The following ZMYM1 variants were observed in gnomAD, a reference collection of about 807,000 sequenced individuals.
The protein encoded by ZMYM1 is zinc finger MYM-type containing 1.
A neutral mutation model predicts 60.0 loss-of-function variants in ZMYM1; 39 were observed. The observed-to-expected ratio is 0.65, with a 90% CI of 0.50 to 0.85. The LOEUF (loss-of-function observed/expected upper bound fraction) is 0.85. ZMYM1 is among the 40% of genes least tolerant of loss of function. The pLI is 0.00. For synonymous variants in ZMYM1, 413 were observed against 454.0 expected (o/e 0.91, Z 1.15); for missense variants, 1,171 against 1,309.5 (o/e 0.89, Z 1.63).
chr1:35,061,348 G>T (rs937562271), intron 1 of ZMYM1, among the ~76,000 whole-genome samples: 11 of 152,190 alleles, frequency 7.2e-5, no homozygotes, highest in Non-Finnish European at 1.2e-4. Flanking sequence ...GTGATGGGGA[G>T]AATATTAGGG....
intron 1 of ZMYM1, among the ~76,000 whole-genome samples, chr1:35,063,381 C>T (rs1322420647): frequency 2.0e-5 from 3 of 152,134 alleles, no homozygotes; most frequent in African/African-American, 4.8e-5. Flanking sequence ...GATCCTGGCT[C>T]ACCACAGCCT....
intron 1 of ZMYM1, among the ~76,000 whole-genome samples, chr1:35,082,684 G>T (rs888474538): frequency 1.3e-5 from 2 of 149,698 alleles, no homozygotes; most frequent in African/African-American, 4.9e-5. Flanking sequence ...TTAGCTTAAA[G>T]AATTTCCTTT....
At chr1:35,097,849 A>T (rs1348597559) in intron 4 of ZMYM1, among the ~76,000 whole-genome samples, 1 of 152,044 alleles carries the variant, frequency 6.6e-6, no homozygotes, top group Non-Finnish European at 1.5e-5. Context: ...TTCGTTCGCC[A>T]TGTTGGCCAC....
At chr1:35,063,838 G>A (rs114727621) in intron 1 of ZMYM1, among the ~76,000 whole-genome samples, 1,715 of 152,250 alleles carry the variant, frequency 0.011, 40 homozygotes, top group African/African-American at 0.038. Flanking sequence ...AAGAAATATA[G>A]GAAGGATCTG....
intron 1 of ZMYM1, among the ~76,000 whole-genome samples, chr1:35,064,372 C>G (rs549038256): frequency 6.7e-6 from 1 of 149,180 alleles, no homozygotes; most frequent in Non-Finnish European, 1.5e-5. Context: ...AACTTCAACA[C>G]TCCTCTCAAA....
intron 4 of ZMYM1, among the ~76,000 whole-genome samples, chr1:35,103,806 G>C (rs990186932): frequency 6.6e-6 from 1 of 152,188 alleles, no homozygotes; most frequent in Non-Finnish European, 1.5e-5. Context: ...GACTCCCCCA[G>C]GGATTTGAAG....
intron 1 of ZMYM1, among the ~76,000 whole-genome samples, chr1:35,071,256 A>G (rs921140222): frequency 6.6e-6 from 1 of 152,120 alleles, no homozygotes. Context: ...CCTAGGATGA[A>G]TCCCACTTGT....
At chr1:35,108,528 A>G (rs1643971141) in intron 6 of ZMYM1, among the ~76,000 whole-genome samples, 1 of 150,610 alleles carries the variant, frequency 6.6e-6, no homozygotes, top group African/African-American at 2.4e-5. Flanking sequence ...TAATTTTTGT[A>G]TTTTTGTAGA....
At position 35,111,734 on chromosome 1, in the gene ZMYM1, T is replaced by G. The variant is rs781340213; in HGVS notation, c.962-38T>G. Reference sequence around the variant, plus strand: ...TAAACAGTACTTTCTGATGATTGATTTTGCCTTGTTTATAAGAAATCTTTT... The same window carrying G: ...TAAACAGTACTTTCTGATGATTGATGTTGCCTTGTTTATAAGAAATCTTTT... On this transcript the variant is annotated intron_variant, in intron 7 of 9. Coordinates refer to ENST00000359858, the MANE Select transcript of ZMYM1 (RefSeq NM_024772.5). 4.8e-5 allele frequency: 74 copies of G among 1,527,688 alleles called. 1 individual carries two copies. The highest frequency in any genetic ancestry group is 6.0e-5 in the Non-Finnish European group (68 of 1,135,544). 94.6% of individuals were successfully genotyped at this position (1,527,688 alleles called of 1,614,324 possible).
upstream of ZMYM1, among the ~76,000 whole-genome samples, chr1:35,078,537 ATT>A (rs751468260): frequency 2.0e-3 from 163 of 82,184 alleles, 2 homozygotes; most frequent in Admixed American, 0.019. Context: ...GGTTATTTTA[ATT>A]TTTTTTTTTT....
chr1:35,110,004 T>G (rs1644031775), intron 6 of ZMYM1, among the ~76,000 whole-genome samples: 1 of 152,186 alleles, frequency 6.6e-6, no homozygotes. Context: ...TGCTTTGGCC[T>G]CCCAAAGTGC....
intron 4 of ZMYM1, among the ~76,000 whole-genome samples, chr1:35,098,643 A>G (rs2148526981): frequency 6.6e-6 from 1 of 152,184 alleles, no homozygotes; most frequent in East Asian, 1.9e-4. Context: ...GCAGTGGCTC[A>G]CGCCTGTTAT....
chr1:35,070,710 C>T (rs1223112347), intron 1 of ZMYM1, among the ~76,000 whole-genome samples: 1 of 151,836 alleles, frequency 6.6e-6, no homozygotes, highest in East Asian at 1.9e-4. Flanking sequence ...CTAATATTAG[C>T]TGTGGGTTTG....
intron 6 of ZMYM1, among the ~76,000 whole-genome samples, chr1:35,107,520 A>T (rs1383484671): frequency 6.6e-6 from 1 of 151,658 alleles, no homozygotes. Flanking sequence ...AGCTTATGTG[A>T]TGGGGCAAGA....
chr1:35,111,895 A>G lies in ZMYM1; in HGVS notation c.1085A>G (p.Asn362Ser), dbSNP rs1453373565. 1 of 1,592,674 alleles carries G rather than the reference A, an allele frequency of 6.3e-7. No individual in the cohort carries two copies. The highest frequency in any genetic ancestry group is 8.6e-7 in the Non-Finnish European group (1 of 1,167,222). ...ADTDVALPIM[N>S]TDVLQDTVSS... The stretch of plus-strand genomic sequence containing the variant: ...ACCGATGTTGCCTTGCCCATCATGA[A>G]CACTGATGTCTTACAAGGTAAAAGT... Residue 362 changes from asparagine to serine, a missense_variant, in exon 8 of 10, where the codon AAC becomes AGC. Coordinates refer to ENST00000359858, the MANE Select transcript of ZMYM1 (RefSeq NM_024772.5).
chr1:35,116,937 G>A (rs1432734130), downstream of ZMYM1, among the ~76,000 whole-genome samples: 17 of 126,936 alleles, frequency 1.3e-4, no homozygotes, highest in African/African-American at 4.1e-4. Context: ...TCCGCCTTCC[G>A]GGTTCACGCC....
At chr1:35,082,611 G>C (rs775371543) in intron 1 of ZMYM1, among the ~76,000 whole-genome samples, 1 of 151,472 alleles carries the variant, frequency 6.6e-6, no homozygotes, top group African/African-American at 2.4e-5. Flanking sequence ...GATTACAGGC[G>C]TGAGCCACCA....
At chr1:35,066,931 T>C (rs1220178441) in intron 1 of ZMYM1, among the ~76,000 whole-genome samples, 4 of 152,166 alleles carry the variant, frequency 2.6e-5, no homozygotes, top group African/African-American at 9.7e-5. Context: ...GGAACTAAAA[T>C]AGTCAAAACA....
chr1:35,112,045 T>C (rs368102787), intron 8 of ZMYM1, 42 bp from the exon 9 acceptor site: 2 of 1,599,966 alleles, frequency 1.3e-6, no homozygotes, highest in Admixed American at 1.7e-5. Context: ...ATTTTATAGG[T>C]TATAGTATAT....
Sources: allele counts gnomAD v4.1 joint callset (sites outside exome capture counted in the v4.1 genomes callset), GRCh38; gene constraint gnomAD v4.1.1; transcripts MANE v1.5; gene names NCBI Gene and HGNC (gene_info 2026-07-23, HGNC 2026-07-21).